Variants in FLRT1 observed in about 807,000 individuals in gnomAD.
The protein encoded by FLRT1 is fibronectin leucine rich transmembrane protein 1.
A neutral mutation model predicts 30.9 loss-of-function variants in FLRT1; 14 were observed. The observed-to-expected ratio is 0.45, with a 90% confidence interval of 0.30 to 0.71. The LOEUF is 0.71. FLRT1 is among the 30% of genes least tolerant of loss of function. FLRT1 has a pLI of 0.08. For synonymous variants in FLRT1, 368 were observed against 430.4 expected (o/e 0.85, Z 1.80); for missense variants, 737 against 949.2 (o/e 0.78, Z 2.94).
chr11:64,112,468 C>T (rs367592056), intron 2 of FLRT1, among the ~76,000 whole-genome samples: 7 of 152,168 alleles, frequency 4.6e-5, no homozygotes, highest in African/African-American at 7.2e-5. Flanking sequence ...GACCCAAGAT[C>T]GCTCCACTGC....
chr11:64,039,254 C>T (rs779390823), intron 1 of FLRT1, among the ~76,000 whole-genome samples: 9 of 151,666 alleles, frequency 5.9e-5, no homozygotes, highest in Non-Finnish European at 8.8e-5. Context: ...GTGGGTGTGG[C>T]GAGGGTGCTA....
intron 1 of FLRT1, among the ~76,000 whole-genome samples, chr11:64,070,538 C>T (rs139299981): frequency 0.019 from 2,925 of 152,318 alleles, 88 homozygotes; most frequent in African/African-American, 0.067. Flanking sequence ...GAGAGCAGAG[C>T]TCGAGAACTC....
At chr11:64,110,088 C>T (rs1006432957) in intron 2 of FLRT1, among the ~76,000 whole-genome samples, 10 of 151,990 alleles carry the variant, frequency 6.6e-5, no homozygotes, top group Admixed American at 2.6e-4. Flanking sequence ...ATGTAAGGGC[C>T]CCTATTATGA....
intron 1 of FLRT1, chr11:64,060,645 A>G (rs1244628378): frequency 6.6e-6 from 1 of 152,164 alleles, no homozygotes; most frequent in African/African-American, 2.4e-5. Flanking sequence ...GGACGCCGTG[A>G]CCTGGGGCAA....
intron 1 of FLRT1, among the ~76,000 whole-genome samples, chr11:64,099,363 T>C (rs1324086194): frequency 6.6e-6 from 1 of 152,212 alleles, no homozygotes; most frequent in Middle Eastern, 3.2e-3. Context: ...TCTCTTTGGA[T>C]CCCCAATGTC....
chr11:64,091,557 C>A (rs1944491250), intron 1 of FLRT1, among the ~76,000 whole-genome samples: 1 of 152,084 alleles, frequency 6.6e-6, no homozygotes, highest in Admixed American at 6.5e-5. Context: ...GAGAGCTGGG[C>A]CAGTCCTTCG....
At chr11:64,087,555 A>G (rs1320373800) in intron 1 of FLRT1, among the ~76,000 whole-genome samples, 1 of 152,150 alleles carries the variant, frequency 6.6e-6, no homozygotes, top group Admixed American at 6.5e-5. Context: ...TCCCCAAGAA[A>G]TGGGCGCAGC....
chr11:64,113,428 G>C (rs1944897534), intron 2 of FLRT1, among the ~76,000 whole-genome samples: 1 of 151,220 alleles, frequency 6.6e-6, no homozygotes, highest in Non-Finnish European at 1.5e-5. Context: ...ATGGATGGAT[G>C]GATGGATGGA....
At chr11:64,075,888 G>A (rs1944191238) in intron 1 of FLRT1, among the ~76,000 whole-genome samples, 1 of 152,160 alleles carries the variant, frequency 6.6e-6, no homozygotes, top group African/African-American at 2.4e-5. Flanking sequence ...TGGTCAGGCT[G>A]GTCTCAAACT....
intron 1 of FLRT1, among the ~76,000 whole-genome samples, chr11:64,088,643 C>A (rs1394163809): frequency 1.3e-5 from 2 of 152,196 alleles, no homozygotes; most frequent in African/African-American, 4.8e-5. Flanking sequence ...ACCAGGCCAC[C>A]CTTATTGGTT....
chr11:64,098,029 G>A (rs1339019913), intron 1 of FLRT1, among the ~76,000 whole-genome samples: 3 of 152,284 alleles, frequency 2.0e-5, no homozygotes, highest in East Asian at 1.9e-4. Flanking sequence ...ACCCCTCACT[G>A]TATGAGGTCC....
At chr11:64,095,886 C>T (rs917161157) in intron 1 of FLRT1, among the ~76,000 whole-genome samples, 10 of 152,116 alleles carry the variant, frequency 6.6e-5, no homozygotes, top group African/African-American at 1.9e-4. Context: ...AAGGGGCAGC[C>T]GAGGGAGGGA....
intron 1 of FLRT1, among the ~76,000 whole-genome samples, chr11:64,057,779 C>T (rs369521903): frequency 4.7e-4 from 71 of 152,336 alleles, no homozygotes; most frequent in African/African-American, 1.5e-3. Flanking sequence ...ACTTGTTGAG[C>T]GCTTACTCTG....
At chr11:64,113,006 A>T (rs557105631) in intron 2 of FLRT1, among the ~76,000 whole-genome samples, 1 of 152,334 alleles carries the variant, frequency 6.6e-6, no homozygotes, top group African/African-American at 2.4e-5. Flanking sequence ...GTTTGGTGAC[A>T]TGAAAACACC....
rs1944790190 is a variant in FLRT1, at chr11:64,107,822, C to T, written c.-50+3641C>T. Among the ~76,000 whole-genome samples the T allele has an allele frequency of 2.0e-5, 3 of 152,178 alleles. No individual in the cohort carries two copies. In the South Asian group the frequency reaches 6.2e-4, roughly 31 times the overall value. ...GATGCCTCTGGTGGGCCTGCAGTCCCTGGGGCATCTGCCTGAACTAGGGCT... is the reference window on the plus strand; with the variant it reads ...GATGCCTCTGGTGGGCCTGCAGTCCTTGGGGCATCTGCCTGAACTAGGGCT... On this transcript the variant is annotated intron_variant, in intron 2 of 2. Coordinates refer to ENST00000682287, the MANE Select transcript of FLRT1 (RefSeq NM_013280.5).
intron 1 of FLRT1, among the ~76,000 whole-genome samples, chr11:64,085,409 G>A (rs1269983711): frequency 1.3e-5 from 2 of 152,208 alleles, no homozygotes; most frequent in African/African-American, 4.8e-5. Context: ...TTCCGGGGAC[G>A]GAGGGCGGGG....
Position 64,064,645 on chromosome 11 carries a change from T to G in FLRT1, c.-1038+28486T>G, listed in dbSNP as rs1359040457. ...GACAGCATTGGAACAGGATGCAGAG[T>G]AGGGGCCTCTGGCAGGACATTAAAC... On this transcript the variant is annotated intron_variant, in intron 1 of 2. Coordinates refer to ENST00000682287, the MANE Select transcript of FLRT1 (RefSeq NM_013280.5). This position sits in a 1 kb window ranked among gnomAD's most constrained non-coding sequence, Gnocchi z 4.5. Among the ~76,000 whole-genome samples the G allele has an allele frequency of 1.4e-5, 2 of 142,694 alleles. No homozygotes were observed. Among genetic ancestry groups the G allele is most frequent in the African/African-American group, 2.5e-5 (1 of 39,438 alleles). 93.6% of individuals were successfully genotyped at this position (142,694 alleles called of 152,430 possible).
chr11:64,118,557 A>T lies in FLRT1; in HGVS notation c.*265A>T. Reference sequence around the variant, plus strand: ...CCAAGTTATGCCAGTTGGGGAGGGAAGGACTAAAAATAATATTGCAGGCAG... The same window carrying T: ...CCAAGTTATGCCAGTTGGGGAGGGATGGACTAAAAATAATATTGCAGGCAG... On this transcript the variant is annotated 3_prime_UTR_variant, in exon 3 of 3. Coordinates refer to ENST00000682287, the MANE Select transcript of FLRT1 (RefSeq NM_013280.5). The T allele has an allele frequency of 7.2e-6, 3 of 414,870 alleles. No homozygotes were observed. The East Asian group carries it at 1.1e-4, about 16-fold the overall frequency. The allele number at this position is 414,870 out of a possible 1,614,324, so 25.7% of individuals were successfully genotyped here. A position where few individuals can be genotyped will look rare whatever the true frequency, so the allele number is the denominator to read the frequency against.
At chr11:64,061,066 C>A (rs981844995) in intron 1 of FLRT1, among the ~76,000 whole-genome samples, 10 of 152,164 alleles carry the variant, frequency 6.6e-5, no homozygotes, top group African/African-American at 2.4e-4. Flanking sequence ...GGCTTGGCGT[C>A]CCCCCCACTC....
Sources: allele counts gnomAD v4.1 joint callset (sites outside exome capture counted in the v4.1 genomes callset), GRCh38; gene constraint gnomAD v4.1.1; non-coding constraint Gnocchi (gnomAD v3.1); transcripts MANE v1.5; gene names NCBI Gene and HGNC (gene_info 2026-07-23, HGNC 2026-07-21).